Variants in GRIN2B observed in about 807,000 individuals in gnomAD.
GRIN2B encodes glutamate ionotropic receptor NMDA type subunit 2B.
A neutral mutation model predicts 114.5 loss-of-function variants in GRIN2B; 5 were observed. The observed-to-expected ratio is 0.04, with a 90% CI of 0.02 to 0.09. The LOEUF (loss-of-function observed/expected upper bound fraction) is 0.09. GRIN2B is among the 10% of genes least tolerant of loss of function. GRIN2B has a pLI of 1.00. For missense variants in GRIN2B, 1,108 were observed against 1,943.5 expected (o/e 0.57, Z 8.08); for synonymous variants, 787 against 745.1 (o/e 1.06, Z -0.92).
chr12:13,593,190 A>AAACT (rs1441245187), intron 10 of GRIN2B, among the ~76,000 whole-genome samples: 2 of 152,208 alleles, frequency 1.3e-5, no homozygotes, highest in Non-Finnish European at 2.9e-5. Flanking sequence ...GAATTGGAAA[A>AAACT]AACTACTTTA....
In GRIN2B at chr12:13,753,335, TG is replaced by T. The variant is rs764455396; in HGVS notation, c.991del (p.Gln331SerfsTer5). 6.3e-7 allele frequency: 1 copy of T among 1,590,828 alleles called. No individual in the cohort carries two copies. Among genetic ancestry groups the T allele is most frequent in the Non-Finnish European group, 8.6e-7 (1 of 1,158,754 alleles). Reference protein sequence around the residue: ...CYNTHEKRIYQSNMLNRYLIN... With the variant: ...CYNTHEKRIYXSNMLNRYLIN... Reference sequence around the variant, plus strand: ...CACTCACCTATTTAGCATATTGGACTGGTAGATTCTCTTCTCGTGGGTGTTG... The same window carrying T: ...CACTCACCTATTTAGCATATTGGACTGTAGATTCTCTTCTCGTGGGTGTTG... On this transcript the variant is annotated frameshift_variant, in exon 4 of 14. Coordinates refer to ENST00000609686, the MANE Select transcript of GRIN2B (RefSeq NM_000834.5). LOFTEE classifies it high-confidence loss of function. This position sits in a 1 kb window ranked among gnomAD's most constrained non-coding sequence, Gnocchi z 6.2.
At chr12:13,796,548 T>C (rs1864422000) in intron 3 of GRIN2B, among the ~76,000 whole-genome samples, 1 of 152,226 alleles carries the variant, frequency 6.6e-6, no homozygotes, top group African/African-American at 2.4e-5. Context: ...CCATTAACCT[T>C]GAAAGCAGAC....
At chr12:13,575,732 G>A (rs1948768034) in intron 10 of GRIN2B, among the ~76,000 whole-genome samples, 1 of 151,048 alleles carries the variant, frequency 6.6e-6, no homozygotes, top group South Asian at 2.1e-4. Context: ...GTCAGTACTG[G>A]GAAGAAGGGA....
At chr12:13,815,966 C>G (rs1474638173) in intron 3 of GRIN2B, among the ~76,000 whole-genome samples, 1 of 152,144 alleles carries the variant, frequency 6.6e-6, no homozygotes, top group African/African-American at 2.4e-5. Context: ...CATGTGCACA[C>G]ACACACACAC....
rs564365748 is a variant in GRIN2B at position 13,608,255 on chromosome 12, C to T, written c.2010+348G>A. Among the ~76,000 whole-genome samples, 15 of 152,310 alleles carry T rather than the reference C, an allele frequency of 9.8e-5. No homozygotes were observed. The East Asian group carries it at 1.5e-3, about 16-fold the overall frequency. On this transcript the variant is annotated intron_variant, in intron 10 of 13. Transcript: ENST00000609686. Reference sequence around the variant, plus strand: ...CGCCCATCTCCTCGGTGTGGGTACACGGCGGCGGTCCTCTAATAACACCCC... The same window carrying T: ...CGCCCATCTCCTCGGTGTGGGTACATGGCGGCGGTCCTCTAATAACACCCC...
chr12:13,847,049 A>T (rs2136722457), intron 3 of GRIN2B, among the ~76,000 whole-genome samples: 1 of 152,280 alleles, frequency 6.6e-6, no homozygotes, highest in South Asian at 2.1e-4. Flanking sequence ...AGAAGAGTTA[A>T]GCAGGCTAAG....
At chr12:13,773,417 T>C (rs922321784) in intron 3 of GRIN2B, among the ~76,000 whole-genome samples, 5 of 152,234 alleles carry the variant, frequency 3.3e-5, no homozygotes, top group Non-Finnish European at 5.9e-5. Context: ...CATGGTGCCA[T>C]GGCACCTAAC....
intron 8 of GRIN2B, among the ~76,000 whole-genome samples, chr12:13,614,357 A>T (rs1210462612): frequency 6.6e-6 from 1 of 152,214 alleles, no homozygotes; most frequent in South Asian, 2.1e-4. Flanking sequence ...GTTTATGCCA[A>T]ACCCAGTCTC....
chr12:13,600,525 C>G (rs1484417543), intron 10 of GRIN2B, among the ~76,000 whole-genome samples: 1 of 151,622 alleles, frequency 6.6e-6, no homozygotes, highest in African/African-American at 2.4e-5. Flanking sequence ...GTGTACATTT[C>G]TGTGTAACAA....
chr12:13,820,120 C>T (rs983360218), intron 3 of GRIN2B, among the ~76,000 whole-genome samples: 15 of 152,106 alleles, frequency 9.9e-5, no homozygotes, highest in African/African-American at 3.6e-4. Flanking sequence ...CCAAGAAATG[C>T]CAAAGAGGAA....
chr12:13,965,619 T>G (rs1867778290), intron 2 of GRIN2B, among the ~76,000 whole-genome samples: 1 of 152,122 alleles, frequency 6.6e-6, no homozygotes, highest in Non-Finnish European at 1.5e-5. Context: ...TTCCCAATTA[T>G]ATTTCTAAGA....
chr12:13,885,431 G>A (rs566782451), intron 2 of GRIN2B, among the ~76,000 whole-genome samples: 14 of 152,218 alleles, frequency 9.2e-5, no homozygotes, highest in South Asian at 2.1e-4. Flanking sequence ...CTCACTAGCC[G>A]GGTGTGGTTA....
chr12:13,910,162 A>G (rs989210894), intron 2 of GRIN2B, among the ~76,000 whole-genome samples: 9 of 152,186 alleles, frequency 5.9e-5, no homozygotes, highest in Admixed American at 5.9e-4. Flanking sequence ...AGATCTTATT[A>G]CTATTAAATA....
chr12:13,815,041 C>A (rs995939289), intron 3 of GRIN2B, among the ~76,000 whole-genome samples: 1 of 152,010 alleles, frequency 6.6e-6, no homozygotes, highest in Non-Finnish European at 1.5e-5. Flanking sequence ...TAAAATTCAC[C>A]TTTTATAGGT....
Position 13,563,431 on chromosome 12 carries a change from T to A in GRIN2B, c.3807A>T (p.Pro1269=), listed in dbSNP as rs78765966. The A allele has an allele frequency of 7.7e-4, 1,247 of 1,614,152 alleles. 2 individuals are homozygous for A. The highest frequency in any genetic ancestry group is 9.2e-4 in the Non-Finnish European group (1,089 of 1,180,014). Residue 1269 remains proline, a synonymous_variant, in exon 14 of 14, where the codon CCA becomes CCT. Coordinates refer to ENST00000609686, the MANE Select transcript of GRIN2B (RefSeq NM_000834.5). ...TGGAGGCGTTTGACGTCACCGCCACTGGGGCAGCCGGCTGGTCCAGTTCCT... is the reference window on the plus strand; with the variant it reads ...TGGAGGCGTTTGACGTCACCGCCACAGGGGCAGCCGGCTGGTCCAGTTCCT... ...SLQELDQPAA[P]VAVTSNASTT... is the part of the protein sequence containing the mutation.
intron 5 of GRIN2B, among the ~76,000 whole-genome samples, chr12:13,675,091 CT>C (rs1950060008): frequency 6.6e-6 from 1 of 152,250 alleles, no homozygotes; most frequent in Admixed American, 6.5e-5. Flanking sequence ...AACCAGGCAA[CT>C]TTCTAAATAC....
At chr12:13,807,964 A>G (rs220584) in intron 3 of GRIN2B, among the ~76,000 whole-genome samples, 145,402 of 152,210 alleles carry the variant, frequency 0.96, 69,566 homozygotes, top group East Asian at 1. Flanking sequence ...AATGGAATGA[A>G]CCTTTTGACC....
chr12:13,570,064 A>G (rs775267895), intron 11 of GRIN2B, 47 bp from the exon 12 acceptor site: 2 of 1,304,738 alleles, frequency 1.5e-6, no homozygotes, highest in Admixed American at 3.4e-5. Context: ...ATTTTAGAAC[A>G]AAACTACCTG....
intron 10 of GRIN2B, among the ~76,000 whole-genome samples, chr12:13,589,500 C>G (rs949509879): frequency 6.6e-6 from 1 of 152,204 alleles, no homozygotes. Context: ...GGACACTAAC[C>G]TTAGTACCAA....
Sources: allele counts gnomAD v4.1 joint callset (sites outside exome capture counted in the v4.1 genomes callset), GRCh38; gene constraint gnomAD v4.1.1; non-coding constraint Gnocchi (gnomAD v3.1); transcripts MANE v1.5; gene names NCBI Gene and HGNC (gene_info 2026-07-23, HGNC 2026-07-21).